TTC39C: variants seen among roughly 807,000 people sequenced by gnomAD.
TTC39C encodes the protein tetratricopeptide repeat domain 39C.
Under a neutral mutation model 76.3 loss-of-function variants are expected in TTC39C, and 33 were observed. The observed-to-expected ratio is 0.43, with a 90% CI of 0.33 to 0.58. The LOEUF is 0.58. TTC39C is among the 20% of genes least tolerant of loss of function. The probability of loss-of-function intolerance (pLI) is 0.04; values close to 1 mark genes in which losing one functional copy is unlikely to be tolerated. For missense variants in TTC39C, 595 were observed against 701.4 expected, an observed-to-expected ratio of 0.85 and a Z score of 1.71; for synonymous variants, 254 against 260.6, an observed-to-expected ratio of 0.97 and a Z score of 0.24.
chr18:24,093,760 A>G (rs1004255475), intron 6 of TTC39C, among the ~76,000 whole-genome samples: 18 of 152,238 alleles, frequency 1.2e-4, no homozygotes, highest in Non-Finnish European at 2.5e-4. Flanking sequence ...TTATGTCTAA[A>G]AATACAATGT....
Position 24,132,605 on chromosome 18 carries a change from C to T in TTC39C, c.*31C>T, listed in dbSNP as rs1163389824. ...CCGGAACACCCGCTCCGTCCCTCCC[C>T]ACCCAGGGTCCGCACTTTAAAATAA... On this transcript the variant is annotated 3_prime_UTR_variant, in exon 14 of 14. Transcript: ENST00000317571. 1 of 1,581,944 alleles carries T rather than the reference C, an allele frequency of 6.3e-7. No individual in the cohort carries two copies. Among genetic ancestry groups the T allele is most frequent in the Non-Finnish European group, 8.7e-7 (1 of 1,154,954 alleles).
chr18:24,093,316 A>G (rs1289879656), intron 6 of TTC39C, among the ~76,000 whole-genome samples: 1 of 152,066 alleles, frequency 6.6e-6, no homozygotes, highest in Admixed American at 6.6e-5. Flanking sequence ...CGTCTCTACT[A>G]CAAATACAAA....
chr18:24,026,042 C>T (rs941066521), intron 1 of TTC39C, among the ~76,000 whole-genome samples: 3 of 152,200 alleles, frequency 2.0e-5, no homozygotes, highest in Non-Finnish European at 4.4e-5. Flanking sequence ...CACATTGCTT[C>T]TAGAGCCCAA....
intron 12 of TTC39C, among the ~76,000 whole-genome samples, chr18:24,130,724 G>C (rs1429506676): frequency 6.6e-6 from 1 of 151,864 alleles, no homozygotes; most frequent in South Asian, 2.1e-4. Context: ...ACAGACCTAG[G>C]TGGTATCACC....
At chr18:24,084,974 G>A (rs1213694345) in intron 6 of TTC39C, among the ~76,000 whole-genome samples, 1 of 152,120 alleles carries the variant, frequency 6.6e-6, no homozygotes, top group Non-Finnish European at 1.5e-5. Flanking sequence ...CTCAGGATGA[G>A]TGCTTTCTTA....
intron 6 of TTC39C, among the ~76,000 whole-genome samples, chr18:24,087,512 A>G (rs1306207216): frequency 6.6e-6 from 1 of 151,988 alleles, no homozygotes; most frequent in Non-Finnish European, 1.5e-5. Context: ...ATTCAAATAA[A>G]TGAAAGTCGT....
chr18:24,125,795 T>C (rs1254314196), intron 10 of TTC39C: 3 of 443,252 alleles, frequency 6.8e-6, no homozygotes, highest in Non-Finnish European at 1.2e-5. Context: ...TTGTTATAAA[T>C]GTTATTAATT....
chr18:24,007,530 G>C (rs1161962662), intron 1 of TTC39C, among the ~76,000 whole-genome samples: 2 of 151,998 alleles, frequency 1.3e-5, no homozygotes, highest in Admixed American at 1.3e-4. Flanking sequence ...ATTACAGATG[G>C]GTGCCACCAG....
In TTC39C at chr18:24,066,014, T is replaced by C; in HGVS notation, c.219T>C (p.Asn73=). The change falls in exon 3 of 14, where the codon AAT becomes AAC. Residue 73 remains asparagine, a splice_region_variant and synonymous_variant. Transcript: ENST00000317571. ...ATTCATTCTTTCTTTCTTGGAAGAATGCCATGATGACATTTGAGGAAGAAA... is the reference window on the plus strand; with the variant it reads ...ATTCATTCTTTCTTTCTTGGAAGAACGCCATGATGACATTTGAGGAAGAAA... ...SFGASFVSFL[N]AMMTFEEEKM... 1 of 1,575,450 alleles carries C rather than the reference T, an allele frequency of 6.3e-7. No homozygotes were observed. The highest frequency in any genetic ancestry group is 8.6e-7 in the Non-Finnish European group (1 of 1,165,054).
chr18:24,000,308 A>C (rs2083302125), intron 1 of TTC39C: 1 of 152,228 alleles, frequency 6.6e-6, no homozygotes. Context: ...TGCAGTCCTT[A>C]TAAGAAGGAG....
intron 1 of TTC39C, among the ~76,000 whole-genome samples, chr18:24,043,567 G>A (rs376496259): frequency 2.6e-5 from 4 of 152,288 alleles, no homozygotes; most frequent in East Asian, 3.9e-4. Flanking sequence ...GAGGCAGGGC[G>A]CCCTACATGT....
intron 8 of TTC39C, among the ~76,000 whole-genome samples, chr18:24,122,666 A>G (rs72881741): frequency 0.12 from 18,479 of 152,052 alleles, 1,289 homozygotes; most frequent in Middle Eastern, 0.28. Flanking sequence ...TTCAAGCAGT[A>G]GTGGGGCTGC....
chr18:24,133,262 A>C lies in TTC39C; in HGVS notation c.*688A>C, dbSNP rs946457649. 2 of 152,210 alleles carry C rather than the reference A, an allele frequency of 1.3e-5. No homozygotes were observed. Among genetic ancestry groups the C allele is most frequent in the Non-Finnish European group, 1.5e-5 (1 of 68,032 alleles). 9.4% of individuals were successfully genotyped at this position (152,210 alleles called of 1,614,324 possible). A position where few individuals can be genotyped will look rare whatever the true frequency, so the allele number is the denominator to read the frequency against. The stretch of plus-strand genomic sequence containing the variant: ...CATGTTTTACTTATTAAAAGAACAA[A>C]ATCTTCAGCTGAAGTTATGTCACCA... On this transcript the variant is annotated 3_prime_UTR_variant, in exon 14 of 14. Transcript: ENST00000317571.
At chr18:24,001,843 TGAGACGGAG>T (rs2083314696) in intron 1 of TTC39C, among the ~76,000 whole-genome samples, 1 of 150,042 alleles carries the variant, frequency 6.7e-6, no homozygotes, top group African/African-American at 2.5e-5. Context: ...TTTTTTTTTT[TGAGACGGAG>T]TCTCGCTCTG....
chr18:24,031,553 A>T (rs1248204990), intron 1 of TTC39C, among the ~76,000 whole-genome samples: 1 of 152,102 alleles, frequency 6.6e-6, no homozygotes, highest in Admixed American at 6.6e-5. Flanking sequence ...ATTGTCTGCC[A>T]ATTTTGCCTC....
intron 4 of TTC39C, among the ~76,000 whole-genome samples, chr18:24,069,552 T>C (rs999166406): frequency 6.6e-6 from 1 of 152,186 alleles, no homozygotes; most frequent in African/African-American, 2.4e-5. Flanking sequence ...AGATGTATAA[T>C]AGTTTTTCTT....
chr18:24,004,626 A>C (rs1036216572), intron 1 of TTC39C, among the ~76,000 whole-genome samples: 1 of 152,202 alleles, frequency 6.6e-6, no homozygotes, highest in Non-Finnish European at 1.5e-5. Flanking sequence ...TAAAGTCATC[A>C]CATGAAATGC....
chr18:24,134,264 G>GTTTTT lies in TTC39C; in HGVS notation c.*1713_*1717dup, dbSNP rs907184028. The stretch of plus-strand genomic sequence containing the variant: ...CAAAAATATTGGACATCTGTTTTTT[G>GTTTTT]TTTTTTTTTTTTTTTTTTTTTTTTT... On this transcript the variant is annotated 3_prime_UTR_variant, in exon 14 of 14. Transcript: ENST00000317571. The GTTTTT allele has an allele frequency of 1.2e-5, 1 of 83,792 alleles. No homozygotes were observed. The highest frequency in any genetic ancestry group is 4.3e-5 in the African/African-American group (1 of 23,152). 5.2% of individuals were successfully genotyped at this position (83,792 alleles called of 1,614,324 possible).
chr18:24,075,379 T>A (rs758184235), intron 4 of TTC39C, among the ~76,000 whole-genome samples: 23 of 151,946 alleles, frequency 1.5e-4, no homozygotes, highest in Non-Finnish European at 2.5e-4. Flanking sequence ...TCATCTTTTG[T>A]CCTTCAAAGT....
Sources: gnomAD v4.1 joint callset for allele counts (sites outside exome capture counted in the v4.1 genomes callset) on GRCh38, gnomAD v4.1.1 for gene constraint, MANE v1.5 for transcripts, NCBI Gene and HGNC (gene_info 2026-07-23, HGNC 2026-07-21) for gene names.